Variants in ADAMTSL1 observed in about 807,000 individuals in gnomAD.
The protein encoded by ADAMTSL1 is ADAMTS like 1.
In ADAMTSL1, 126 loss-of-function variants were observed where a neutral mutation model predicts 201.8. That is an observed-to-expected ratio of 0.62 (90% CI 0.54 to 0.72). The LOEUF (loss-of-function observed/expected upper bound fraction) is 0.72, where lower values mean the gene tolerates loss of function less well. Ranked by LOEUF, ADAMTSL1 falls within the 30% of genes least tolerant of loss-of-function variation. The probability of loss-of-function intolerance (pLI) is 0.00; values close to 1 mark genes in which losing one functional copy is unlikely to be tolerated. For missense variants in ADAMTSL1, 2,679 were observed against 2,277.8 expected, an observed-to-expected ratio of 1.18 and a Z score of -3.59; for synonymous variants, 1,121 against 903.4, an observed-to-expected ratio of 1.24 and a Z score of -4.32.
At chr9:18,614,044 G>A (rs1158011996) in intron 4 of ADAMTSL1, among the ~76,000 whole-genome samples, 1 of 152,186 alleles carries the variant, frequency 6.6e-6, no homozygotes, top group African/African-American at 2.4e-5. Flanking sequence ...TACAGCCAGA[G>A]GTAGCAACTC....
At chr9:18,442,414 T>G (rs905684696) in intron 2 of ADAMTSL1, among the ~76,000 whole-genome samples, 1 of 152,200 alleles carries the variant, frequency 6.6e-6, no homozygotes, top group Admixed American at 6.5e-5. Flanking sequence ...TTGTAAAGGT[T>G]AAGTCGTATC....
chr9:18,171,476 C>T (rs7030406), intron 2 of ADAMTSL1, among the ~76,000 whole-genome samples: 3 of 151,870 alleles, frequency 2.0e-5, no homozygotes, highest in Admixed American at 1.3e-4. Flanking sequence ...ATTCCATAAA[C>T]AAGGTAAAAG....
chr9:18,054,068 C>G (rs936567653), intron 1 of ADAMTSL1, among the ~76,000 whole-genome samples: 2 of 151,838 alleles, frequency 1.3e-5, no homozygotes, highest in African/African-American at 4.8e-5. Context: ...ATGATAGAAA[C>G]TACTATAATT....
At chr9:18,024,607 T>C (rs1820617289) in intron 1 of ADAMTSL1, among the ~76,000 whole-genome samples, 1 of 152,180 alleles carries the variant, frequency 6.6e-6, no homozygotes, top group African/African-American at 2.4e-5. Flanking sequence ...CATTCTTTTT[T>C]ATGGCCATAT....
In ADAMTSL1 at chr9:18,031,680, C is replaced by G. The variant is rs146548780; in HGVS notation, c.87+124758C>G. On this transcript the variant is annotated intron_variant, in intron 1 of 29. Transcript: ENST00000680146. ...AGTCCATTCCAGGGCTTTGGTGGAG[C>G]CTTTTCCAATCGTTGGCATTGTTCC... Among the ~76,000 whole-genome samples, 114 of 152,250 alleles carry G rather than the reference C, an allele frequency of 7.5e-4. 1 individual carries two copies. The highest frequency in any genetic ancestry group is 2.4e-3 in the African/African-American group (99 of 41,540).
At chr9:18,483,912 A>G (rs1375387617) in intron 1 of ADAMTSL1, among the ~76,000 whole-genome samples, 1 of 152,218 alleles carries the variant, frequency 6.6e-6, no homozygotes, top group Non-Finnish European at 1.5e-5. Context: ...AAGAACAGAG[A>G]ACTAAAATCT....
chr9:18,735,704 T>C (rs1323585924), intron 15 of ADAMTSL1, among the ~76,000 whole-genome samples: 1 of 151,866 alleles, frequency 6.6e-6, no homozygotes, highest in African/African-American at 2.4e-5. Context: ...CATTACTGAA[T>C]GTGCTCAGGA....
intron 2 of ADAMTSL1, among the ~76,000 whole-genome samples, chr9:18,523,089 C>T (rs2132040563): frequency 6.6e-6 from 1 of 152,282 alleles, no homozygotes; most frequent in South Asian, 2.1e-4. Flanking sequence ...TCTCCACATC[C>T]TCTCCAGCAC....
At chr9:18,230,170 A>G (rs367912734) in intron 2 of ADAMTSL1, among the ~76,000 whole-genome samples, 3 of 152,338 alleles carry the variant, frequency 2.0e-5, no homozygotes, top group East Asian at 3.9e-4. Flanking sequence ...ACAGTAACCC[A>G]GAGGTGAGAC....
chr9:18,847,553 G>C (rs1310001131), intron 23 of ADAMTSL1, among the ~76,000 whole-genome samples: 1 of 152,246 alleles, frequency 6.6e-6, no homozygotes. Context: ...ATGTGGGAAG[G>C]AGGTTCCAAT....
chr9:18,099,985 C>A (rs4497065), intron 1 of ADAMTSL1, among the ~76,000 whole-genome samples: 86,287 of 151,928 alleles, frequency 0.57, 25,428 homozygotes, highest in African/African-American at 0.73. Context: ...CTTTTAAATT[C>A]GTTTTATTTC....
chr9:17,953,364 T>C (rs910327270), intron 1 of ADAMTSL1, among the ~76,000 whole-genome samples: 1 of 152,196 alleles, frequency 6.6e-6, no homozygotes, highest in Non-Finnish European at 1.5e-5. Context: ...AGGGAACAAC[T>C]GAGCTTGTCC....
chr9:18,030,697 G>A (rs539791700), intron 1 of ADAMTSL1, among the ~76,000 whole-genome samples: 2 of 152,068 alleles, frequency 1.3e-5, no homozygotes, highest in African/African-American at 2.4e-5. Flanking sequence ...TTACTAGAGA[G>A]AATTGACCTC....
At chr9:18,818,781 C>A (rs1448763539) in intron 21 of ADAMTSL1, among the ~76,000 whole-genome samples, 1 of 151,932 alleles carries the variant, frequency 6.6e-6, no homozygotes, top group South Asian at 2.1e-4. Context: ...CAGAGCGAGA[C>A]CCTATCTCAA....
chr9:18,023,513 A>G (rs1820565658), intron 1 of ADAMTSL1, among the ~76,000 whole-genome samples: 2 of 152,292 alleles, frequency 1.3e-5, no homozygotes, highest in East Asian at 1.9e-4. Context: ...ACTTTCTCCA[A>G]ATTGCTTTTA....
chr9:18,241,082 A>G (rs1160957113), intron 2 of ADAMTSL1, among the ~76,000 whole-genome samples: 2 of 152,144 alleles, frequency 1.3e-5, no homozygotes, highest in East Asian at 1.9e-4. Flanking sequence ...TCCTGTGTTC[A>G]CTGGAGTAGC....
At chr9:18,373,952 T>A (rs1329342635) in intron 2 of ADAMTSL1, among the ~76,000 whole-genome samples, 2 of 152,180 alleles carry the variant, frequency 1.3e-5, no homozygotes, top group Non-Finnish European at 2.9e-5. Context: ...GTAGCCAGCA[T>A]GTATTGGGCA....
chr9:18,879,458 A>ATACTT (rs1332014580), intron 23 of ADAMTSL1, among the ~76,000 whole-genome samples: 1 of 152,210 alleles, frequency 6.6e-6, no homozygotes, highest in East Asian at 1.9e-4. Context: ...CATCCTCAAG[A>ATACTT]TACTTTACTT....
chr9:18,727,430 T>G (rs1817955202), intron 15 of ADAMTSL1, among the ~76,000 whole-genome samples: 1 of 152,244 alleles, frequency 6.6e-6, no homozygotes, highest in Non-Finnish European at 1.5e-5. Flanking sequence ...GTTAATGCTG[T>G]TACTACTGTC....
Sources: allele counts gnomAD v4.1 joint callset (sites outside exome capture counted in the v4.1 genomes callset), GRCh38; gene constraint gnomAD v4.1.1; transcripts MANE v1.5; gene names NCBI Gene and HGNC (gene_info 2026-07-23, HGNC 2026-07-21).